Variants in ACTL6B observed in about 807,000 individuals in gnomAD.
The protein encoded by ACTL6B is actin-like protein 6B.
ACTL6B carries 48 observed loss-of-function variants against 63.3 expected under a neutral mutation model. The observed-to-expected ratio is 0.76, with a 90% CI of 0.60 to 0.96. The LOEUF (loss-of-function observed/expected upper bound fraction) is 0.96. ACTL6B is among the 50% of genes least tolerant of loss of function. ACTL6B has a pLI of 0.00. For synonymous variants in ACTL6B, 230 were observed against 223.8 expected (o/e 1.03, Z -0.25); for missense variants, 350 against 572.2 (o/e 0.61, Z 3.96).
intron 4 of ACTL6B, among the ~76,000 whole-genome samples, chr7:100,653,973 T>A (rs1039596522): frequency 2.6e-5 from 4 of 151,982 alleles, no homozygotes; most frequent in Admixed American, 6.6e-5. Flanking sequence ...AATGAGGTTT[T>A]AAATTTTTTT....
Position 100,646,704 on chromosome 7 carries a change from C to T in ACTL6B, c.1017+47G>A, listed in dbSNP as rs777797376. ...GCAGCCCCCCAACCCCGTCTCCCCA[C>T]TTCCCCTGGGCCCCTTTGCCGAGCC... On this transcript the variant is annotated intron_variant, in intron 11 of 13. Coordinates refer to ENST00000160382, the MANE Select transcript of ACTL6B (RefSeq NM_016188.5). This position sits in a 1 kb window ranked among gnomAD's most constrained non-coding sequence, Gnocchi z 6.1. 3 of 1,613,122 alleles carry T rather than the reference C, an allele frequency of 1.9e-6. No homozygotes were observed. Among genetic ancestry groups the T allele is most frequent in the Non-Finnish European group, 2.5e-6 (3 of 1,179,738 alleles).
Position 100,646,884 on chromosome 7 carries a change from C to G in ACTL6B, c.937-53G>C. On this transcript the variant is annotated intron_variant, in intron 10 of 13. Coordinates refer to ENST00000160382, the MANE Select transcript of ACTL6B (RefSeq NM_016188.5). The surrounding 1 kb of genome is among the most constrained non-coding windows in gnomAD (Gnocchi z 6.1). The stretch of plus-strand genomic sequence containing the variant: ...GGCTCTCTCCCCCTTCCCCCCAGAC[C>G]CCTGCAATCCTTCCCAGCCTCCCCC... The G allele has an allele frequency of 6.2e-7, 1 of 1,601,512 alleles. No homozygotes were observed.
At position 100,648,258 on chromosome 7, in the gene ACTL6B, G is replaced by A. The variant is rs1019792427; in HGVS notation, c.669+298C>T. On this transcript the variant is annotated intron_variant, in intron 7 of 13. Coordinates refer to ENST00000160382, the MANE Select transcript of ACTL6B (RefSeq NM_016188.5). This position sits in a 1 kb window ranked among gnomAD's most constrained non-coding sequence, Gnocchi z 4.4. ...CAGGTGTGAGCCACCATGCCTGACCGGTCCTGCAGCTCTTGCACGGCAGAG... is the reference window on the plus strand; with the variant it reads ...CAGGTGTGAGCCACCATGCCTGACCAGTCCTGCAGCTCTTGCACGGCAGAG... The A allele has an allele frequency of 1.3e-4, 30 of 230,242 alleles. No homozygotes were observed. The highest frequency in any genetic ancestry group is 5.2e-4 in the African/African-American group (23 of 43,928). 14.3% of individuals were successfully genotyped at this position (230,242 alleles called of 1,614,324 possible). A position where few individuals can be genotyped will look rare whatever the true frequency, so the allele number is the denominator to read the frequency against.
rs760641707 is a variant in ACTL6B at position 100,650,127 on chromosome 7, T to C, written c.378A>G (p.Thr126=). ...CTGTCAGCTTCTCCCGCTTGGCCCGTGTGTTCCACTGTGGAGAAAGTGCAG... is the reference window on the plus strand; with the variant it reads ...CTGTCAGCTTCTCCCGCTTGGCCCGCGTGTTCCACTGTGGAGAAAGTGCAG... ...PVLMSEAPWN[T]RAKREKLTEL... is the part of the protein sequence containing the mutation. The change falls in exon 5 of 14, where the codon ACA becomes ACG. Residue 126 remains threonine, a synonymous_variant. Coordinates refer to ENST00000160382, the MANE Select transcript of ACTL6B (RefSeq NM_016188.5). 3.6e-5 allele frequency: 58 copies of C among 1,613,600 alleles called. No individual in the cohort carries two copies. The highest frequency in any genetic ancestry group is 4.7e-5 in the Non-Finnish European group (55 of 1,179,938).
Position 100,655,792 on chromosome 7 carries a change from G to T in ACTL6B, c.102+11C>A, listed in dbSNP as rs997544383. On this transcript the variant is annotated intron_variant, in intron 2 of 13. Coordinates refer to ENST00000160382, the MANE Select transcript of ACTL6B (RefSeq NM_016188.5). The surrounding 1 kb of genome is among the most constrained non-coding windows in gnomAD (Gnocchi z 4.4). ...GCCCCTAGGATTTGGAGAGGAGACT[G>T]GAAGGCTCACCTTGGGACAGTCCTC... 2 of 1,562,660 alleles carry T rather than the reference G, an allele frequency of 1.3e-6. No individual in the cohort carries two copies. Among genetic ancestry groups the T allele is most frequent in the Non-Finnish European group, 1.7e-6 (2 of 1,153,032 alleles).
rs767576705 is a variant in ACTL6B at position 100,648,705 on chromosome 7, C to T, written c.562+24G>A. 1.5e-5 allele frequency: 25 copies of T among 1,613,782 alleles called. No homozygotes were observed. In the South Asian group the frequency reaches 2.1e-4, roughly 13 times the overall value. ...TCAGGACCTGGTCCTCCTGGAGCAC[C>T]CCCACCCCCTGCCGAAGCCCCACCT... On this transcript the variant is annotated intron_variant, in intron 6 of 13. Transcript: ENST00000160382. The surrounding 1 kb of genome is among the most constrained non-coding windows in gnomAD (Gnocchi z 4.4).
rs1189730197 is a variant in ACTL6B, at chr7:100,655,157, G to C, written c.269-38C>G. 6.5e-7 allele frequency: 1 copy of C among 1,543,266 alleles called. No individual in the cohort carries two copies. Among genetic ancestry groups the C allele is most frequent in the Non-Finnish European group, 9.0e-7 (1 of 1,116,886 alleles). On this transcript the variant is annotated intron_variant, in intron 3 of 13. Transcript: ENST00000160382. The surrounding 1 kb of genome is among the most constrained non-coding windows in gnomAD (Gnocchi z 4.4). Reference sequence around the variant, plus strand: ...GAGCAGCGTGCAGAGACGCAAGAAGGCAGGCAGGGGACAGGGACAGGAAGA... The same window carrying C: ...GAGCAGCGTGCAGAGACGCAAGAAGCCAGGCAGGGGACAGGGACAGGAAGA...
In ACTL6B at chr7:100,655,604, G is replaced by A. The variant is rs755750800; in HGVS notation, c.103-18C>T. 4 of 1,605,494 alleles carry A rather than the reference G, an allele frequency of 2.5e-6. No individual in the cohort carries two copies. The highest frequency in any genetic ancestry group is 2.7e-5 in the African/African-American group (2 of 74,874). ...AAGTCAGCCTGGTGGGGAAGGGTTG[G>A]GGGAGTATTGGCAGGGAGAGAGGTC... On this transcript the variant is annotated intron_variant, in intron 2 of 13. Coordinates refer to ENST00000160382, the MANE Select transcript of ACTL6B (RefSeq NM_016188.5). The surrounding 1 kb of genome is among the most constrained non-coding windows in gnomAD (Gnocchi z 4.4).
Position 100,655,520 on chromosome 7 carries a change from C to G in ACTL6B, c.169G>C (p.Asp57His). Residue 57 changes from aspartate to histidine, a missense_variant, in exon 3 of 14, where the codon GAC (aspartate) becomes CAC (histidine). Coordinates refer to ENST00000160382, the MANE Select transcript of ACTL6B (RefSeq NM_016188.5). The surrounding 1 kb of genome is among the most constrained non-coding windows in gnomAD (Gnocchi z 4.4). ...AAGATCTTCCCTTTCTTCTCTTTGTCCCCCTCCAGCTCCAGCCCGCCCCCC... is the reference window on the plus strand; with the variant it reads ...AAGATCTTCCCTTTCTTCTCTTTGTGCCCCTCCAGCTCCAGCCCGCCCCCC... ...EEGGGLELEGDKEKKGKIFHI... is the reference protein window; with the variant it reads ...EEGGGLELEGHKEKKGKIFHI... 6.2e-7 allele frequency: 1 copy of G among 1,614,142 alleles called. No individual in the cohort carries two copies. Among genetic ancestry groups the G allele is most frequent in the Non-Finnish European group, 8.5e-7 (1 of 1,180,002 alleles).
chr7:100,645,658 G>A (rs1452606239), intron 13 of ACTL6B, among the ~76,000 whole-genome samples: 1 of 148,460 alleles, frequency 6.7e-6, no homozygotes, highest in Non-Finnish European at 1.5e-5. Flanking sequence ...TTTTTTGAGA[G>A]TCTTACTGCG....
chr7:100,649,141 T>C lies in ACTL6B; in HGVS notation c.468-318A>G, dbSNP rs1475287222. ...CCGAGTAGCTGGGACTACAGGTGCC[T>C]GCCACCACGCCCGGCCAATTTTTCG... On this transcript the variant is annotated intron_variant, in intron 5 of 13. Transcript: ENST00000160382. Among the ~76,000 whole-genome samples the C allele has an allele frequency of 9.8e-5, 14 of 143,528 alleles. No homozygotes were observed. The South Asian group carries it at 1.1e-3, about 12-fold the overall frequency. 94.2% of individuals were successfully genotyped at this position (143,528 alleles called of 152,430 possible). A position where few individuals can be genotyped will look rare whatever the true frequency, so the allele number is the denominator to read the frequency against.
At position 100,648,564 on chromosome 7, in the gene ACTL6B, C is replaced by T. The variant is rs751567530; in HGVS notation, c.661G>A (p.Ala221Thr). Reference protein sequence around the residue: ...AIDIIPPYMIAAKEPVREGAP... With the variant: ...AIDIIPPYMITAKEPVREGAP... ...GTCCCCAGAGGCCCCACCTTGGCTG[C>T]GATCATGTAAGGTGGGATGATGTCA... The change falls in exon 7 of 14, where the codon GCA becomes ACA. Residue 221 changes from alanine to threonine, a missense_variant. By Grantham distance (58) the Ala-to-Thr change is moderately conservative. This residue lies in a region of ACTL6B where 250 missense variants were observed against 364.7 expected (regional missense o/e 0.69). Coordinates refer to ENST00000160382, the MANE Select transcript of ACTL6B (RefSeq NM_016188.5). The surrounding 1 kb of genome is among the most constrained non-coding windows in gnomAD (Gnocchi z 4.4). 4 of 1,603,090 alleles carry T rather than the reference C, an allele frequency of 2.5e-6. No individual in the cohort carries two copies. Among genetic ancestry groups the T allele is most frequent in the African/African-American group, 1.3e-5 (1 of 74,718 alleles).
chr7:100,650,379 C>T (rs1339530833), intron 4 of ACTL6B, among the ~76,000 whole-genome samples: 1 of 151,674 alleles, frequency 6.6e-6, no homozygotes, highest in Non-Finnish European at 1.5e-5. Flanking sequence ...CACAGACACA[C>T]ATAAACACAC....
At position 100,646,643 on chromosome 7, in the gene ACTL6B, G is replaced by A. The variant is rs1562848058; in HGVS notation, c.1021C>T (p.Leu341=). 1 of 1,614,054 alleles carries A rather than the reference G, an allele frequency of 6.2e-7. No individual in the cohort carries two copies. The highest frequency in any genetic ancestry group is 8.5e-7 in the Non-Finnish European group (1 of 1,179,972). Residue 341 remains leucine (L), a synonymous_variant, in exon 12 of 14, where the codon CTG becomes TTG. Coordinates refer to ENST00000160382, the MANE Select transcript of ACTL6B (RefSeq NM_016188.5). The surrounding 1 kb of genome is among the most constrained non-coding windows in gnomAD (Gnocchi z 6.1). ...CCGGTGACAATGACACTCCCGTACA[G>A]GCCCTGAGAGCAGGGAGAAGGAGTG... ...GMCDIDIRPG[L]YGSVIVTGGN...
Position 100,650,262 on chromosome 7 carries a change from CACAT to C in ACTL6B, c.370-131_370-128del, listed in dbSNP as rs1176196085. 13 of 730,586 alleles carry C rather than the reference CACAT, an allele frequency of 1.8e-5. No homozygotes were observed. The East Asian group carries it at 3.3e-4, about 19-fold the overall frequency. The allele number at this position is 730,586 out of a possible 1,614,324, so 45.3% of individuals were successfully genotyped here. On this transcript the variant is annotated intron_variant, in intron 4 of 13. Transcript: ENST00000160382. Reference sequence around the variant, plus strand: ...ACACACACATCCAAACACTTGCACACACATACACAACCTAAACACTCACACATAC... The same window carrying C: ...ACACACACATCCAAACACTTGCACACACACAACCTAAACACTCACACATAC...
At position 100,655,667 on chromosome 7, in the gene ACTL6B, C is replaced by G; in HGVS notation, c.103-81G>C. ...CTGTCCAGCCCCACAGCAGGGTCCT[C>G]AGACCGCCCCTGGGTTTATTCCCAT... is the stretch of plus-strand genomic sequence containing the variant. On this transcript the variant is annotated intron_variant, in intron 2 of 13. Transcript: ENST00000160382. This position sits in a 1 kb window ranked among gnomAD's most constrained non-coding sequence, Gnocchi z 4.4. The G allele has an allele frequency of 6.5e-7, 1 of 1,535,518 alleles. No individual in the cohort carries two copies. The highest frequency in any genetic ancestry group is 8.8e-7 in the Non-Finnish European group (1 of 1,138,866).
intron 4 of ACTL6B, among the ~76,000 whole-genome samples, chr7:100,654,464 T>A (rs1048268908): frequency 6.7e-5 from 9 of 135,076 alleles, no homozygotes; most frequent in Non-Finnish European, 1.1e-4. Context: ...ATAATAATAA[T>A]AATAATAAGT....
intron 13 of ACTL6B, among the ~76,000 whole-genome samples, chr7:100,645,893 A>G (rs1257792228): frequency 6.6e-6 from 1 of 152,120 alleles, no homozygotes; most frequent in Non-Finnish European, 1.5e-5. Context: ...CGGCCTCCCA[A>G]ACTGCAGGGA....
chr7:100,655,117 C>T lies in ACTL6B; in HGVS notation c.271G>A (p.Glu91Lys), dbSNP rs748105438. Residue 91 changes from glutamate (E) to lysine (K), a missense_variant and splice_region_variant, in exon 4 of 14, where the codon GAG becomes AAG. Around this residue, in one of 3 missense-constraint regions of ACTL6B, gnomAD observed 250 missense variants for 364.7 expected, o/e 0.69. Transcript: ENST00000160382. This position sits in a 1 kb window ranked among gnomAD's most constrained non-coding sequence, Gnocchi z 4.4. ...ATGGCTCGGAAGCACTCCCAGTCCT[C>T]GACTGGGGCCAGAAGAGCAGCGTGC... The part of the protein sequence containing the change: ...VMSPLKNGMI[E>K]DWECFRAILD... 1 of 1,612,324 alleles carries T rather than the reference C, an allele frequency of 6.2e-7. No homozygotes were observed. Among genetic ancestry groups the T allele is most frequent in the Non-Finnish European group, 8.5e-7 (1 of 1,178,610 alleles).
Sources: allele counts gnomAD v4.1 joint callset (sites outside exome capture counted in the v4.1 genomes callset), GRCh38; gene constraint gnomAD v4.1.1; regional missense constraint gnomAD v4.1.1; non-coding constraint Gnocchi (gnomAD v3.1); transcripts MANE v1.5; gene names NCBI Gene and HGNC (gene_info 2026-07-23, HGNC 2026-07-21).